ZFHX3: variants seen among roughly 807,000 people sequenced by gnomAD.
ZFHX3 encodes the protein zinc finger homeobox 3.
Under a neutral mutation model 279.1 loss-of-function variants are expected in ZFHX3, and 42 were observed. That is an observed-to-expected ratio of 0.15 (90% CI 0.12 to 0.19). The LOEUF is 0.19. Among genes scored for constraint, ZFHX3 ranks in the 10% least tolerant of loss-of-function variants. The probability of loss-of-function intolerance (pLI) is 1.00; values close to 1 mark genes in which losing one functional copy is unlikely to be tolerated. For missense variants in ZFHX3, 4,981 were observed against 4,754.0 expected (o/e 1.05, Z -1.40); for synonymous variants, 2,293 against 1,957.8 (o/e 1.17, Z -4.52).
intron 5 of ZFHX3, among the ~76,000 whole-genome samples, chr16:73,218,724 G>A (rs1026949630): frequency 2.0e-5 from 3 of 152,182 alleles, no homozygotes; most frequent in African/African-American, 7.2e-5. Flanking sequence ...AGCTGATATT[G>A]TGCCACTGCC....
chr16:73,731,648 G>GA (rs5817871), intron 1 of ZFHX3, among the ~76,000 whole-genome samples: 3 of 151,894 alleles, frequency 2.0e-5, no homozygotes, highest in African/African-American at 7.3e-5. Flanking sequence ...TGTTCGGGGT[G>GA]AAAAAAAACC....
At chr16:73,267,983 A>C (rs1472176571) in intron 4 of ZFHX3, among the ~76,000 whole-genome samples, 1 of 152,204 alleles carries the variant, frequency 6.6e-6, no homozygotes, top group African/African-American at 2.4e-5. Context: ...AAGTGATATT[A>C]GTGCTATTAT....
At chr16:73,647,302 C>T (rs893450252) in intron 2 of ZFHX3, among the ~76,000 whole-genome samples, 1 of 152,130 alleles carries the variant, frequency 6.6e-6, no homozygotes, top group South Asian at 2.1e-4. Flanking sequence ...ATAAATAATT[C>T]TAAGTGATAT....
chr16:73,793,335 C>T (rs1959890639), intron 1 of ZFHX3, among the ~76,000 whole-genome samples: 1 of 152,186 alleles, frequency 6.6e-6, no homozygotes, highest in Admixed American at 6.5e-5. Context: ...GAGAGTGATA[C>T]CTAAGGATGG....
At chr16:72,800,590 AGAG>A (rs2036067312) in intron 7 of ZFHX3, among the ~76,000 whole-genome samples, 1 of 152,198 alleles carries the variant, frequency 6.6e-6, no homozygotes, top group Admixed American at 6.5e-5. Flanking sequence ...TATTCAGGCA[AGAG>A]GAGGAGGGGA....
At chr16:73,752,071 G>A (rs902036037) in intron 1 of ZFHX3, among the ~76,000 whole-genome samples, 4 of 152,188 alleles carry the variant, frequency 2.6e-5, no homozygotes, top group Non-Finnish European at 5.9e-5. Flanking sequence ...CAGAGAAAGA[G>A]AGAAAGGAGG....
chr16:73,037,747 G>A (rs754107515), intron 1 of ZFHX3, among the ~76,000 whole-genome samples: 1 of 152,124 alleles, frequency 6.6e-6, no homozygotes, highest in African/African-American at 2.4e-5. Context: ...ACAGCCCTTC[G>A]TGTGTTATAA....
At chr16:72,912,818 A>G (rs779279464) in intron 3 of ZFHX3, among the ~76,000 whole-genome samples, 4 of 152,174 alleles carry the variant, frequency 2.6e-5, no homozygotes, top group Non-Finnish European at 5.9e-5. Flanking sequence ...TCTGCCTCCC[A>G]GGTTCAAGCG....
intron 1 of ZFHX3, among the ~76,000 whole-genome samples, chr16:73,867,210 T>C (rs7197557): frequency 0.25 from 38,250 of 152,012 alleles, 9,935 homozygotes; most frequent in African/African-American, 0.66. Context: ...TATGAGCCAA[T>C]TCCAGTGTGA....
chr16:73,557,958 C>T (rs562442337), intron 2 of ZFHX3, among the ~76,000 whole-genome samples: 5 of 152,172 alleles, frequency 3.3e-5, no homozygotes, highest in Admixed American at 2.0e-4. Flanking sequence ...TGTGGAAGCA[C>T]GACATCTCAG....
At chr16:73,367,449 C>T (rs986971443) in intron 3 of ZFHX3, among the ~76,000 whole-genome samples, 1 of 152,078 alleles carries the variant, frequency 6.6e-6, no homozygotes, top group Non-Finnish European at 1.5e-5. Flanking sequence ...AATGATGGTA[C>T]CTTTGACTGG....
At chr16:73,267,959 T>G (rs1398233364) in intron 4 of ZFHX3, among the ~76,000 whole-genome samples, 1 of 152,202 alleles carries the variant, frequency 6.6e-6, no homozygotes, top group Non-Finnish European at 1.5e-5. Context: ...AGTGTATCTG[T>G]TGGTAAAAAT....
chr16:73,583,802 C>A (rs898372061), intron 2 of ZFHX3, among the ~76,000 whole-genome samples: 1 of 152,052 alleles, frequency 6.6e-6, no homozygotes, highest in Non-Finnish European at 1.5e-5. Flanking sequence ...ACCCAATAAA[C>A]AGAGTATTAA....
intron 3 of ZFHX3, among the ~76,000 whole-genome samples, chr16:72,916,403 T>A (rs4788673): frequency 1.3e-5 from 2 of 152,020 alleles, no homozygotes; most frequent in African/African-American, 4.8e-5. Context: ...AAAGTCAACA[T>A]GGAGGAAAAT....
At chr16:73,320,757 C>T (rs1220410825) in intron 3 of ZFHX3, among the ~76,000 whole-genome samples, 1 of 152,156 alleles carries the variant, frequency 6.6e-6, no homozygotes, top group East Asian at 1.9e-4. Flanking sequence ...CCCCGAAATC[C>T]CCACACCCCT....
intron 6 of ZFHX3, among the ~76,000 whole-genome samples, chr16:73,137,007 T>C (rs1213082172): frequency 6.6e-6 from 1 of 151,810 alleles, no homozygotes; most frequent in Non-Finnish European, 1.5e-5. Context: ...GATTGGAAAA[T>C]GATTTTACTG....
intron 1 of ZFHX3, among the ~76,000 whole-genome samples, chr16:72,971,878 A>ATTTT (rs34508228): frequency 5.2e-4 from 50 of 95,460 alleles, no homozygotes; most frequent in East Asian, 7.9e-4. Flanking sequence ...CTGCCTATTA[A>ATTTT]TTTTTTTTTT....
intron 1 of ZFHX3, among the ~76,000 whole-genome samples, chr16:73,735,809 T>C (rs1004884960): frequency 1.3e-5 from 2 of 152,212 alleles, no homozygotes; most frequent in Admixed American, 1.3e-4. Context: ...CATCCCCTTC[T>C]CTGTAGGGTT....
chr16:72,908,961 A>T (rs2144174015), intron 3 of ZFHX3, among the ~76,000 whole-genome samples: 1 of 152,362 alleles, frequency 6.6e-6, no homozygotes, highest in Admixed American at 6.5e-5. Context: ...CTTCCCATAG[A>T]AACGGCGAAA....
Sources: gnomAD v4.1 joint callset for allele counts (sites outside exome capture counted in the v4.1 genomes callset) on GRCh38, gnomAD v4.1.1 for gene constraint, MANE v1.5 for transcripts, NCBI Gene and HGNC (gene_info 2026-07-23, HGNC 2026-07-21) for gene names.